The following LIF variants were observed in gnomAD, a reference collection of about 807,000 sequenced individuals.
The protein encoded by LIF is leukemia inhibitory factor.
In LIF, 9 loss-of-function variants were observed where a neutral mutation model predicts 15.0. The ratio of observed to expected loss-of-function variants is 0.60; its 90% confidence interval spans 0.36 to 1.04. The LOEUF (loss-of-function observed/expected upper bound fraction) is 1.04, where lower values mean the gene tolerates loss of function less well. LIF is among the 50% of genes least tolerant of loss of function. The pLI, the probability that LIF is intolerant of heterozygous loss-of-function variation, is 0.01. For synonymous variants in LIF, 122 were observed against 119.7 expected, an observed-to-expected ratio of 1.02 and a Z score of -0.13; for missense variants, 240 against 266.7, an observed-to-expected ratio of 0.90 and a Z score of 0.70.
chr22:30,245,421 G>A (rs967515937), intron 1 of LIF, among the ~76,000 whole-genome samples: 2 of 152,190 alleles, frequency 1.3e-5, no homozygotes, highest in Admixed American at 6.5e-5. Flanking sequence ...CCGAAGCCAG[G>A]CACCCATGGG....
chr22:30,246,394 C>CGAG (rs945214356), intron 1 of LIF: 19 of 947,600 alleles, frequency 2.0e-5, no homozygotes, highest in Middle Eastern at 7.1e-4. Flanking sequence ...GTGTCCGGAG[C>CGAG]GAGGAGGAGG....
In LIF at chr22:30,243,057, T is replaced by C. The variant is rs1928732378; in HGVS notation, c.*594A>G. On this transcript the variant is annotated 3_prime_UTR_variant, in exon 3 of 3. Transcript: ENST00000249075. The surrounding 1 kb of genome is among the most constrained non-coding windows in gnomAD (Gnocchi z 6.0). ...GAGCCTGAATGCCAAGTGACCTCCTTCTGGAAACTTCTGCCAGATTGTTCC... is the reference window on the plus strand; with the variant it reads ...GAGCCTGAATGCCAAGTGACCTCCTCCTGGAAACTTCTGCCAGATTGTTCC... 6.2e-6 allele frequency: 1 copy of C among 160,170 alleles called. No individual in the cohort carries two copies. Among genetic ancestry groups the C allele is most frequent in the Admixed American group, 5.8e-5 (1 of 17,288 alleles). 9.9% of individuals were successfully genotyped at this position (160,170 alleles called of 1,614,324 possible). A position where few individuals can be genotyped will look rare whatever the true frequency, so the allele number is the denominator to read the frequency against.
Position 30,244,759 on chromosome 22 carries a change from A to C in LIF, c.194T>G (p.Leu65Arg), listed in dbSNP as rs753538654. 1.2e-6 allele frequency: 2 copies of C among 1,613,866 alleles called. No homozygotes were observed. Among genetic ancestry groups the C allele is most frequent in the African/African-American group, 2.7e-5 (2 of 74,910 alleles). The change falls in exon 2 of 3, where the codon CTC becomes CGC. Residue 65 changes from leucine (L) to arginine (R), a missense_variant. Physicochemically the swap from Leu to Arg is moderately radical, Grantham distance 102. Coordinates refer to ENST00000249075, the MANE Select transcript of LIF (RefSeq NM_002309.5). Reference sequence around the variant, plus strand: ...AGTATCCCAGGGGTAACTTACATAGAGAATAAAGAGGGCATTGGCACTGCC... The same window carrying C: ...AGTATCCCAGGGGTAACTTACATAGCGAATAAAGAGGGCATTGGCACTGCC... The part of the protein sequence containing the change: ...LNGSANALFI[L>R]YYTAQGEPFP...
At chr22:30,246,571 G>C in intron 1 of LIF, 106 bp downstream of exon 1, 1 of 1,487,684 alleles carries the variant, frequency 6.7e-7, no homozygotes, top group Non-Finnish European at 9.0e-7. Context: ...CCAAGTGTTC[G>C]TGTGTCTGCG....
At position 30,244,769 on chromosome 22, in the gene LIF, G is replaced by C. The variant is rs758458009; in HGVS notation, c.184C>G (p.Leu62Val). The change falls in exon 2 of 3, where the codon CTC becomes GTC. Residue 62 changes from leucine to valine, a missense_variant. Physicochemically the swap from Leu to Val is conservative, Grantham distance 32. Coordinates refer to ENST00000249075, the MANE Select transcript of LIF (RefSeq NM_002309.5). ...GGGTAACTTACATAGAGAATAAAGA[G>C]GGCATTGGCACTGCCATTGAGCTGT... ...LAQLNGSANA[L>V]FILYYTAQGE... The C allele has an allele frequency of 3.7e-6, 6 of 1,614,094 alleles. No homozygotes were observed. Among genetic ancestry groups the C allele is most frequent in the Middle Eastern group, 3.3e-4 (2 of 6,062 alleles).
chr22:30,246,394 C>T, intron 1 of LIF: 1 of 947,486 alleles, frequency 1.1e-6, no homozygotes, highest in Non-Finnish European at 1.3e-6. Flanking sequence ...GTGTCCGGAG[C>T]GAGGAGGAGG....
At chr22:30,246,516 C>T in intron 1 of LIF, 161 bp downstream of exon 1, 1 of 1,291,040 alleles carries the variant, frequency 7.7e-7, no homozygotes, top group Non-Finnish European at 9.8e-7. Context: ...TGCCCGCGCT[C>T]GCTCCGGGCC....
rs1167835956 is a variant in LIF, at chr22:30,242,692, C to G, written c.*959G>C. 5 of 152,670 alleles carry G rather than the reference C, an allele frequency of 3.3e-5. No homozygotes were observed. The highest frequency in any genetic ancestry group is 1.2e-4 in the African/African-American group (5 of 41,408). 9.5% of individuals were successfully genotyped at this position (152,670 alleles called of 1,614,324 possible). ...CCCTTGCCCTGGGGACCAGAGACGGCCTCCAGTCCCCCTCAAGTACCTCTG... is the reference window on the plus strand; with the variant it reads ...CCCTTGCCCTGGGGACCAGAGACGGGCTCCAGTCCCCCTCAAGTACCTCTG... On this transcript the variant is annotated 3_prime_UTR_variant, in exon 3 of 3. Transcript: ENST00000249075.
chr22:30,244,177 T>C, intron 2 of LIF, 116 bp from the exon 3 acceptor site: 1 of 949,442 alleles, frequency 1.1e-6, no homozygotes, highest in South Asian at 1.7e-5. Context: ...AGGACCCAAC[T>C]CCTTGCCCTG....
intron 2 of LIF, among the ~76,000 whole-genome samples, chr22:30,244,459 C>T (rs573307474): frequency 2.0e-5 from 3 of 152,272 alleles, no homozygotes; most frequent in East Asian, 3.9e-4. Flanking sequence ...TGGTGCCTCA[C>T]GCCCATTTCC....
chr22:30,245,892 T>A (rs1928867950), intron 1 of LIF, among the ~76,000 whole-genome samples: 1 of 152,100 alleles, frequency 6.6e-6, no homozygotes, highest in African/African-American at 2.4e-5. Flanking sequence ...TGTCCTGGTT[T>A]GCCCCTCCCC....
chr22:30,243,745 G>T lies in LIF; in HGVS notation c.515C>A (p.Thr172Asn). The part of the protein sequence containing the change: ...GHVDVTYGPD[T>N]SGKDVFQKKK... ...CTTCTGGAAGACATCCTTACCCGAG[G>T]TGTCAGGGCCGTAGGTCACGTCCAC... is the stretch of plus-strand genomic sequence containing the variant. Residue 172 changes from threonine (T) to asparagine (N), a missense_variant, in exon 3 of 3, where the codon ACC (threonine) becomes AAC (asparagine). Physicochemically the swap from Thr to Asn is moderately conservative, Grantham distance 65 (BLOSUM62 0). Transcript: ENST00000249075. The surrounding 1 kb of genome is among the most constrained non-coding windows in gnomAD (Gnocchi z 6.0). The T allele has an allele frequency of 6.2e-7, 1 of 1,614,250 alleles. No homozygotes were observed. The highest frequency in any genetic ancestry group is 8.5e-7 in the Non-Finnish European group (1 of 1,180,046).
Position 30,246,583 on chromosome 22 carries a change from C to T in LIF, c.19+94G>A, listed in dbSNP as rs547325082. Reference sequence around the variant, plus strand: ...GCCCCAAGTGTTCGTGTGTCTGCGGCGGGTGGGCGTCCGGCTCGCGCTGCC... The same window carrying T: ...GCCCCAAGTGTTCGTGTGTCTGCGGTGGGTGGGCGTCCGGCTCGCGCTGCC... On this transcript the variant is annotated intron_variant, in intron 1 of 2. Coordinates refer to ENST00000249075, the MANE Select transcript of LIF (RefSeq NM_002309.5). 6 of 1,485,250 alleles carry T rather than the reference C, an allele frequency of 4.0e-6. No individual in the cohort carries two copies. The East Asian group carries it at 1.0e-4, about 26-fold the overall frequency. The allele number at this position is 1,485,250 out of a possible 1,614,324, so 92.0% of individuals were successfully genotyped here.
At chr22:30,246,394 C>A in intron 1 of LIF, 1 of 947,488 alleles carries the variant, frequency 1.1e-6, no homozygotes, top group Middle Eastern at 3.6e-4. Flanking sequence ...GTGTCCGGAG[C>A]GAGGAGGAGG....
chr22:30,246,435 G>T, intron 1 of LIF: 1 of 1,200,158 alleles, frequency 8.3e-7, no homozygotes, highest in South Asian at 3.8e-5. Context: ...AAGAAGAGGA[G>T]GAGGAGGAAG....
intron 1 of LIF, among the ~76,000 whole-genome samples, chr22:30,246,005 G>A (rs1004602394): frequency 3.3e-5 from 5 of 152,240 alleles, no homozygotes; most frequent in Non-Finnish European, 2.9e-5. Flanking sequence ...GTCAGCGGGC[G>A]AGTGAGGCTG....
intron 2 of LIF, among the ~76,000 whole-genome samples, chr22:30,244,399 C>T (rs1453162263): frequency 1.3e-5 from 2 of 152,134 alleles, no homozygotes. Flanking sequence ...TTCCGGGACG[C>T]CCCTCCATGC....
Position 30,243,513 on chromosome 22 carries a change from C to T in LIF, c.*138G>A. ...CCAGCCCAGAGTGGAGTGGACTGGCCAGGCACCCTCGGGGTCTGCCAGCAG... is the reference window on the plus strand; with the variant it reads ...CCAGCCCAGAGTGGAGTGGACTGGCTAGGCACCCTCGGGGTCTGCCAGCAG... On this transcript the variant is annotated 3_prime_UTR_variant, in exon 3 of 3. Coordinates refer to ENST00000249075, the MANE Select transcript of LIF (RefSeq NM_002309.5). This position sits in a 1 kb window ranked among gnomAD's most constrained non-coding sequence, Gnocchi z 6.0. 2 of 1,046,580 alleles carry T rather than the reference C, an allele frequency of 1.9e-6. No homozygotes were observed. Among genetic ancestry groups the T allele is most frequent in the Non-Finnish European group, 2.9e-6 (2 of 687,354 alleles). The allele number at this position is 1,046,580 out of a possible 1,614,324, so 64.8% of individuals were successfully genotyped here.
intron 1 of LIF, among the ~76,000 whole-genome samples, chr22:30,245,864 C>T (rs1009174530): frequency 6.6e-6 from 1 of 152,188 alleles, no homozygotes; most frequent in African/African-American, 2.4e-5. Context: ...GACAGGAGAG[C>T]TGGGAGCTGT....
Sources: allele counts gnomAD v4.1 joint callset (sites outside exome capture counted in the v4.1 genomes callset), GRCh38; gene constraint gnomAD v4.1.1; non-coding constraint Gnocchi (gnomAD v3.1); transcripts MANE v1.5; gene names NCBI Gene and HGNC (gene_info 2026-07-23, HGNC 2026-07-21).